Variants in MYH11 observed in about 807,000 individuals in gnomAD.
The protein encoded by MYH11 is myosin heavy chain 11.
In MYH11, 80 loss-of-function variants were observed where a neutral mutation model predicts 246.6. The observed-to-expected ratio is 0.32, with a 90% CI of 0.27 to 0.39. MYH11 has a LOEUF of 0.39. Ranked by LOEUF, MYH11 falls within the 10% of genes least tolerant of loss-of-function variation. The probability of loss-of-function intolerance (pLI) is 1.00; values close to 1 mark genes in which losing one functional copy is unlikely to be tolerated. For synonymous variants in MYH11, 1,071 were observed against 1,015.5 expected (o/e 1.05, Z -1.04); for missense variants, 2,158 against 2,546.8 (o/e 0.85, Z 3.29).
chr16:15,713,888 T>G (rs1178281386), intron 40 of MYH11: 2 of 152,358 alleles, frequency 1.3e-5, no homozygotes, highest in Non-Finnish European at 2.9e-5. Flanking sequence ...AGACAGCTGG[T>G]TTGGAGCTGG....
In MYH11 at chr16:15,750,273, G is replaced by A. The variant is rs530466304; in HGVS notation, c.1923C>T (p.Ser641=). ...MAKMTESSLP[S]ASKTKKGMFR... ...ACATGCCCTTCTTGGTCTTGGAGGC[G>A]CTGGGCAGCGAGCTCTCCGTCATCT... Residue 641 remains serine (S), a synonymous_variant, in exon 16 of 41, where the codon AGC becomes AGT. Transcript: ENST00000300036. This position sits in a 1 kb window ranked among gnomAD's most constrained non-coding sequence, Gnocchi z 4.3. 2.1e-5 allele frequency: 34 copies of A among 1,613,996 alleles called. No homozygotes were observed. The highest frequency in any genetic ancestry group is 6.6e-5 in the South Asian group (6 of 91,058).
chr16:15,756,485 C>T lies in MYH11; in HGVS notation c.1605G>A (p.Leu535=). The T allele has an allele frequency of 6.2e-7, 1 of 1,614,202 alleles. No homozygotes were observed. Among genetic ancestry groups the T allele is most frequent in the South Asian group, 1.1e-5 (1 of 91,084 alleles). Residue 535 remains leucine (L), a synonymous_variant, in exon 14 of 41, where the codon CTG becomes CTA. Transcript: ENST00000300036. ...PNNPPGVLAL[L]DEECWFPKAT... is the part of the protein sequence containing the mutation. ...CTTTGGGGAACCAGCATTCCTCGTC[C>T]AGCAGGGCCAGCACACCTGGAGGGT... is the stretch of plus-strand genomic sequence containing the variant.
chr16:15,718,193 C>T (rs1295343312), intron 37 of MYH11, 122 bp downstream of exon 37: 9 of 1,511,176 alleles, frequency 6.0e-6, no homozygotes, highest in Non-Finnish European at 8.1e-6. Flanking sequence ...GCCCCACCAC[C>T]CTCTTGTCCC....
At chr16:15,730,020 C>CT (rs1178659987) in intron 27 of MYH11, among the ~76,000 whole-genome samples, 2 of 152,072 alleles carry the variant, frequency 1.3e-5, no homozygotes, top group African/African-American at 4.8e-5. Flanking sequence ...AGCACTATCC[C>CT]TTTGGTGCTG....
chr16:15,720,971 G>C lies in MYH11; in HGVS notation c.4659C>G (p.Asp1553Glu), dbSNP rs141031021. The stretch of plus-strand genomic sequence containing the variant: ...TGGCGTCCTCCGTGGCTTGCAGCTC[G>C]TCCTCCAGCTCTTCCAGCTGCGTCT... ...EMKTQLEELE[D>E]ELQATEDAKL... Residue 1553 changes from aspartate (D) to glutamate (E), a missense_variant, in exon 33 of 41, where the codon GAC (aspartate) becomes GAG (glutamate). This residue lies in a region of MYH11 where 1,013 missense variants were observed against 993.5 expected (regional missense o/e 1.02). Transcript: ENST00000300036. 6.2e-7 allele frequency: 1 copy of C among 1,614,072 alleles called. No homozygotes were observed.
At chr16:15,715,807 C>T (rs2040097983) in intron 38 of MYH11, among the ~76,000 whole-genome samples, 1 of 152,066 alleles carries the variant, frequency 6.6e-6, no homozygotes, top group Non-Finnish European at 1.5e-5. Flanking sequence ...CCAGCATGCT[C>T]AGACTTTTAA....
chr16:15,798,598 G>C lies in MYH11; in HGVS notation c.530+62C>G, dbSNP rs1458493967. The C allele has an allele frequency of 4.3e-6, 6 of 1,403,392 alleles. No individual in the cohort carries two copies. In the Admixed American group the frequency reaches 7.1e-5, roughly 17 times the overall value. The allele number at this position is 1,403,392 out of a possible 1,614,324, so 86.9% of individuals were successfully genotyped here. A position where few individuals can be genotyped will look rare whatever the true frequency, so the allele number is the denominator to read the frequency against. On this transcript the variant is annotated intron_variant, in intron 4 of 40. Coordinates refer to ENST00000300036, the MANE Select transcript of MYH11 (RefSeq NM_002474.3). ...TCTTTTCTTTCATAGGTTGGATCTC[G>C]ACTACAGATTAAAAAAAAAAAAAAA...
At chr16:15,763,143 TA>T (rs146830584) in intron 10 of MYH11, among the ~76,000 whole-genome samples, 1 of 152,112 alleles carries the variant, frequency 6.6e-6, no homozygotes, top group Non-Finnish European at 1.5e-5. Flanking sequence ...AATTAAAATT[TA>T]AAAAAAGGTT....
chr16:15,833,909 A>G (rs2042090978), intron 2 of MYH11, among the ~76,000 whole-genome samples: 1 of 152,138 alleles, frequency 6.6e-6, no homozygotes, highest in Admixed American at 6.6e-5. Flanking sequence ...AAGCAATTAA[A>G]CTGACCAGAA....
chr16:15,722,904 C>T (rs945794138), intron 31 of MYH11, among the ~76,000 whole-genome samples: 131 of 151,982 alleles, frequency 8.6e-4, no homozygotes, highest in Admixed American at 8.1e-3. Context: ...CCACCACGCC[C>T]GGCTAATTTT....
chr16:15,707,657 T>G (rs2151169452), intron 40 of MYH11, among the ~76,000 whole-genome samples: 1 of 152,282 alleles, frequency 6.6e-6, no homozygotes, highest in Admixed American at 6.5e-5. Flanking sequence ...GGCCTCTCCA[T>G]GAGGTGAAGT....
At position 15,760,550 on chromosome 16, in the gene MYH11, G is replaced by A. The variant is rs1406368749; in HGVS notation, c.1238C>T (p.Thr413Ile). 1 of 1,609,134 alleles carries A rather than the reference G, an allele frequency of 6.2e-7. No homozygotes were observed. The highest frequency in any genetic ancestry group is 8.5e-7 in the Non-Finnish European group (1 of 1,175,556). The change falls in exon 11 of 41, where the codon ACA (threonine) becomes ATA (isoleucine). Residue 413 changes from threonine (T) to isoleucine (I), a missense_variant. Thr to Ile is a moderately conservative substitution (Grantham distance 89). This residue lies in a region of MYH11 where 317 missense variants were observed against 507.7 expected (regional missense o/e 0.62). Coordinates refer to ENST00000300036, the MANE Select transcript of MYH11 (RefSeq NM_002474.3). ...TAAGTACATCATTACCTGTTCTTTTGTCTGAGCTTTCTGTACCACATCTCG... is the reference window on the plus strand; with the variant it reads ...TAAGTACATCATTACCTGTTCTTTTATCTGAGCTTTCTGTACCACATCTCG... ...VGRDVVQKAQ[T>I]KEQADFAVEA...
chr16:15,724,715 C>T lies in MYH11; in HGVS notation c.4048G>A (p.Asp1350Asn). The T allele has an allele frequency of 6.2e-7, 1 of 1,614,218 alleles. No homozygotes were observed. The highest frequency in any genetic ancestry group is 8.5e-7 in the Non-Finnish European group (1 of 1,180,034). Reference protein sequence around the residue: ...QLEEERNSLQDQLDEEMEAKQ... With the variant: ...QLEEERNSLQNQLDEEMEAKQ... ...GCCTCCATCTCCTCGTCCAGCTGGT[C>T]TTGCAGGCTGTTCCGCTCCTCCTCC... Residue 1350 changes from aspartate to asparagine, a missense_variant, in exon 30 of 41, where the codon GAC becomes AAC. By Grantham distance (23) the Asp-to-Asn change is conservative (BLOSUM62 1). This residue lies in a region of MYH11 where 1,013 missense variants were observed against 993.5 expected (regional missense o/e 1.02). Transcript: ENST00000300036.
chr16:15,820,344 C>T (rs1351088480), intron 3 of MYH11, among the ~76,000 whole-genome samples: 1 of 151,996 alleles, frequency 6.6e-6, no homozygotes, highest in Non-Finnish European at 1.5e-5. Flanking sequence ...TGTGGTGGCA[C>T]ATGCCTATAA....
chr16:15,714,642 C>A (rs1175507806), intron 40 of MYH11: 4 of 576,428 alleles, frequency 6.9e-6, no homozygotes, highest in Admixed American at 6.0e-5. Flanking sequence ...TAGCCTCTTC[C>A]TCCTCCTCAG....
At chr16:15,717,103 C>G (rs528939317) in intron 38 of MYH11, 37 bp downstream of exon 38, 681 of 1,605,196 alleles carry the variant, frequency 4.2e-4, no homozygotes, top group Admixed American at 8.3e-4. Flanking sequence ...TCCATCACCC[C>G]CCTGCAAACT....
chr16:15,825,422 T>C (rs559331786), intron 2 of MYH11, among the ~76,000 whole-genome samples: 1 of 146,830 alleles, frequency 6.8e-6, no homozygotes, highest in Admixed American at 6.8e-5. Context: ...CTGGCCATGG[T>C]GGTGATCACC....
At chr16:15,825,852 G>A (rs971976150) in intron 2 of MYH11, among the ~76,000 whole-genome samples, 4 of 151,866 alleles carry the variant, frequency 2.6e-5, no homozygotes, top group African/African-American at 4.8e-5. Context: ...GCTCCAACCC[G>A]TCTCACAGGA....
intron 2 of MYH11, among the ~76,000 whole-genome samples, chr16:15,836,719 C>CTTTTT (rs780997939): frequency 1.8e-4 from 17 of 95,084 alleles, no homozygotes; most frequent in South Asian, 3.5e-4. Flanking sequence ...TTTAATGTTT[C>CTTTTT]TTTTTTTTTT....
Sources: allele counts gnomAD v4.1 joint callset (sites outside exome capture counted in the v4.1 genomes callset), GRCh38; gene constraint gnomAD v4.1.1; regional missense constraint gnomAD v4.1.1; non-coding constraint Gnocchi (gnomAD v3.1); transcripts MANE v1.5; gene names NCBI Gene and HGNC (gene_info 2026-07-23, HGNC 2026-07-21).